ABI3BP: variants seen among roughly 807,000 people sequenced by gnomAD.
ABI3BP encodes the protein ABI family member 3 binding protein.
Under a neutral mutation model 268.6 loss-of-function variants are expected in ABI3BP, and 216 were observed. The ratio of observed to expected loss-of-function variants is 0.80; its 90% CI spans 0.72 to 0.90. ABI3BP has a LOEUF of 0.90. ABI3BP is among the 40% of genes least tolerant of loss of function. The pLI is 0.00. For synonymous variants in ABI3BP, 730 were observed against 730.0 expected, an observed-to-expected ratio of 1.00 and a Z score of 0.00; for missense variants, 2,090 against 2,182.4, an observed-to-expected ratio of 0.96 and a Z score of 0.84.
At position 100,848,818 on chromosome 3, in the gene ABI3BP, G is replaced by A. The variant is rs201577974; in HGVS notation, c.1559C>T (p.Pro520Leu). 9.1e-5 allele frequency: 146 copies of A among 1,613,086 alleles called. No individual in the cohort carries two copies. Among genetic ancestry groups the A allele is most frequent in the Non-Finnish European group, 9.2e-5 (108 of 1,179,292 alleles). ...STPKRRPRPK[P>L]PRTKPERTTS... ...ACATTTACCAGGTTTGGTTCTTGGC[G>A]GTTTGGGCCGGGGGCGTCGTTTAGG... The change falls in exon 18 of 68, where the codon CCG becomes CTG. Residue 520 changes from proline (P) to leucine (L), a missense_variant. Pro to Leu is a moderately conservative substitution (Grantham distance 98). Transcript: ENST00000471714.
intron 14 of ABI3BP, 80 bp from the exon 15 acceptor site, chr3:100,852,020 T>C: frequency 7.8e-7 from 1 of 1,275,944 alleles, no homozygotes; most frequent in Non-Finnish European, 1.1e-6. Flanking sequence ...TTACATGACA[T>C]GTTGTAATGC....
chr3:100,936,955 G>A (rs1326695532), intron 1 of ABI3BP, among the ~76,000 whole-genome samples: 5 of 151,894 alleles, frequency 3.3e-5, no homozygotes, highest in African/African-American at 7.3e-5. Flanking sequence ...GATTTTGAAG[G>A]GTTTTTCATG....
rs58342344 is a variant in ABI3BP, at chr3:100,894,938, C to CAAAAAAAA, written c.461+3816_461+3823dup. 9.3e-3 allele frequency among the ~76,000 whole-genome samples: 349 copies of CAAAAAAAA among 37,696 alleles called. 53 individuals are homozygous for CAAAAAAAA. The highest frequency in any genetic ancestry group is 0.045 in the Middle Eastern group (1 of 22). 24.7% of individuals were successfully genotyped at this position (37,696 alleles called of 152,430 possible). A position where few individuals can be genotyped will look rare whatever the true frequency, so the allele number is the denominator to read the frequency against. On this transcript the variant is annotated intron_variant, in intron 4 of 67. Transcript: ENST00000471714. ...TGGGCGACAGAGCGGGATTCCGCTT[C>CAAAAAAAA]AAAAAAAAAAAAAAAAAAAAAAAAA...
intron 1 of ABI3BP, among the ~76,000 whole-genome samples, chr3:100,952,214 A>G (rs1451303559): frequency 6.6e-6 from 1 of 152,212 alleles, no homozygotes; most frequent in Non-Finnish European, 1.5e-5. Flanking sequence ...TACATACTGT[A>G]CAACATAGTG....
intron 48 of ABI3BP, among the ~76,000 whole-genome samples, 156 bp downstream of exon 48, chr3:100,811,074 A>G (rs1275278615): frequency 6.6e-6 from 1 of 152,142 alleles, no homozygotes; most frequent in Non-Finnish European, 1.5e-5. Flanking sequence ...TTTTTGGACA[A>G]TGGTTATGGA....
At chr3:100,873,207 AGTTAAGT>A (rs1416611971) in intron 9 of ABI3BP, among the ~76,000 whole-genome samples, 1 of 152,212 alleles carries the variant, frequency 6.6e-6, no homozygotes. Flanking sequence ...ATTTATGCAA[AGTTAAGT>A]GTCTGGATAT....
At chr3:100,980,706 A>G (rs998863137) in intron 1 of ABI3BP, among the ~76,000 whole-genome samples, 1 of 152,230 alleles carries the variant, frequency 6.6e-6, no homozygotes, top group African/African-American at 2.4e-5. Flanking sequence ...AGAGGTTTAT[A>G]TGTTGAAATA....
intron 5 of ABI3BP, 140 bp downstream of exon 5, chr3:100,886,002 T>C: frequency 1.7e-6 from 1 of 594,302 alleles, no homozygotes; most frequent in South Asian, 4.1e-5. Context: ...ATATATCTTC[T>C]TTGCTTCTAT....
intron 32 of ABI3BP, among the ~76,000 whole-genome samples, 157 bp from the exon 33 acceptor site, chr3:100,829,821 G>A (rs2098453486): frequency 6.6e-6 from 1 of 151,740 alleles, no homozygotes; most frequent in South Asian, 2.1e-4. Flanking sequence ...TTATCATGTA[G>A]CTTTTTCTGA....
At chr3:100,752,704 C>G (rs2095406025) in intron 66 of ABI3BP, 83 bp downstream of exon 66, 4 of 1,487,346 alleles carry the variant, frequency 2.7e-6, no homozygotes, top group East Asian at 2.3e-5. Flanking sequence ...GCCTGAAACT[C>G]TTAAGAAAAG....
At chr3:100,813,822 C>CA in intron 44 of ABI3BP, 87 bp from the exon 45 acceptor site, 1 of 1,121,370 alleles carries the variant, frequency 8.9e-7, no homozygotes, top group Non-Finnish European at 1.3e-6. Context: ...AAATAAAATA[C>CA]ACAGACCCTG....
chr3:100,810,289 A>G lies in ABI3BP; in HGVS notation c.3607+123T>C, dbSNP rs560506384. 107 of 736,166 alleles carry G rather than the reference A, an allele frequency of 1.5e-4. 3 individuals are homozygous for G. In the South Asian group the frequency reaches 2.2e-3, roughly 15 times the overall value. The allele number at this position is 736,166 out of a possible 1,614,324, so 45.6% of individuals were successfully genotyped here. A position where few individuals can be genotyped will look rare whatever the true frequency, so the allele number is the denominator to read the frequency against. On this transcript the variant is annotated intron_variant, in intron 49 of 67. Transcript: ENST00000471714. ...AATGATAGCAGGACATCAGACAGGT[A>G]GGATTACCCATCAAAGTCTGTGGGC... is the stretch of plus-strand genomic sequence containing the variant.
intron 9 of ABI3BP, among the ~76,000 whole-genome samples, chr3:100,869,717 G>A (rs542974972): frequency 6.6e-6 from 1 of 152,184 alleles, no homozygotes; most frequent in South Asian, 2.1e-4. Flanking sequence ...GAGGGTATTT[G>A]AATGGGGAAC....
At chr3:100,946,197 C>A (rs2072168543) in intron 1 of ABI3BP, among the ~76,000 whole-genome samples, 2 of 151,220 alleles carry the variant, frequency 1.3e-5, no homozygotes, top group Non-Finnish European at 2.9e-5. Flanking sequence ...ATGGTGAAAC[C>A]CTGTCTCTAC....
chr3:100,957,614 C>T (rs1441590237), intron 1 of ABI3BP, among the ~76,000 whole-genome samples: 6 of 152,112 alleles, frequency 3.9e-5, no homozygotes, highest in East Asian at 1.9e-4. Context: ...TCCTGGGACA[C>T]TCCAATTTAA....
At position 100,901,408 on chromosome 3, in the gene ABI3BP, C is replaced by T. The variant is rs987361590; in HGVS notation, c.328+1210G>A. Among the ~76,000 whole-genome samples, 8 of 151,808 alleles carry T rather than the reference C, an allele frequency of 5.3e-5. No homozygotes were observed. The South Asian group carries it at 1.0e-3, about 20-fold the overall frequency. ...AAAGATCCTTTTATCGTGTGGTATC[C>T]AGTGTACCATAAAAGATGAACATGC... On this transcript the variant is annotated intron_variant, in intron 3 of 67. Transcript: ENST00000471714.
intron 57 of ABI3BP, among the ~76,000 whole-genome samples, chr3:100,784,923 T>C (rs558599133): frequency 3.3e-5 from 5 of 152,252 alleles, no homozygotes; most frequent in Admixed American, 1.3e-4. Flanking sequence ...AACTACAACT[T>C]ATTAGGTACA....
chr3:100,830,559 G>A lies in ABI3BP; in HGVS notation c.2458+19C>T. The A allele has an allele frequency of 6.5e-7, 1 of 1,531,352 alleles. No homozygotes were observed. The highest frequency in any genetic ancestry group is 1.2e-5 in the South Asian group (1 of 83,536). 94.9% of individuals were successfully genotyped at this position (1,531,352 alleles called of 1,614,324 possible). ...ATGAGCAGGAGAGGCAGATGTTGAT[G>A]GACATAATGTGCCATTACCTGCTGT... On this transcript the variant is annotated intron_variant, in intron 32 of 67. Coordinates refer to ENST00000471714, the MANE Select transcript of ABI3BP (RefSeq NM_001375547.2).
At chr3:100,802,916 G>A (rs2097572169) in intron 51 of ABI3BP, among the ~76,000 whole-genome samples, 1 of 146,216 alleles carries the variant, frequency 6.8e-6, no homozygotes, top group African/African-American at 2.4e-5. Context: ...GGGTTCATTA[G>A]GGTGTGAATT....
Sources: allele counts gnomAD v4.1 joint callset (sites outside exome capture counted in the v4.1 genomes callset), GRCh38; gene constraint gnomAD v4.1.1; transcripts MANE v1.5; gene names NCBI Gene and HGNC (gene_info 2026-07-23, HGNC 2026-07-21).